WFDC13: variants seen among roughly 807,000 people sequenced by gnomAD.
The protein encoded by WFDC13 is WAP four-disulfide core domain protein 13.
A neutral mutation model predicts 10.9 loss-of-function variants in WFDC13; 6 were observed. That is an observed-to-expected ratio of 0.55 (90% CI 0.30 to 1.09). The LOEUF is 1.09. WFDC13 is among the 50% of genes least tolerant of loss of function. WFDC13 has a pLI of 0.06. For synonymous variants in WFDC13, 38 were observed against 39.5 expected, an observed-to-expected ratio of 0.96 and a Z score of 0.14; for missense variants, 104 against 109.6, an observed-to-expected ratio of 0.95 and a Z score of 0.23.
intron 1 of WFDC13, among the ~76,000 whole-genome samples, 187 bp from the exon 2 acceptor site, chr20:45,704,257 G>A (rs146596252): frequency 6.6e-6 from 1 of 152,282 alleles, no homozygotes; most frequent in East Asian, 1.9e-4. Flanking sequence ...AAATATCCAT[G>A]CCCTGCTTCC....
At chr20:45,702,260 G>C (rs934099727) in intron 1 of WFDC13, 49 bp downstream of exon 1, 8 of 1,546,544 alleles carry the variant, frequency 5.2e-6, no homozygotes, top group Non-Finnish European at 7.1e-6. Flanking sequence ...GTGTGGATAG[G>C]AGAGGATCTG....
intron 1 of WFDC13, 151 bp from the exon 2 acceptor site, chr20:45,704,293 C>T: frequency 3.1e-6 from 3 of 966,512 alleles, no homozygotes; most frequent in East Asian, 2.6e-5. Flanking sequence ...AGGAAGGCAG[C>T]AGCTGAGGAC....
At chr20:45,702,910 C>T (rs757506962) in intron 1 of WFDC13, among the ~76,000 whole-genome samples, 6 of 152,122 alleles carry the variant, frequency 3.9e-5, no homozygotes, top group East Asian at 1.9e-4. Context: ...AGAATACTGG[C>T]GGCTCAGAAG....
At chr20:45,707,813 GA>G (rs1237959793) in intron 3 of WFDC13, 44 bp from the exon 4 acceptor site, 1 of 152,182 alleles carries the variant, frequency 6.6e-6, no homozygotes, top group Non-Finnish European at 1.5e-5. Flanking sequence ...GATGTTTAAA[GA>G]ATCAAGAAGA....
At chr20:45,706,029 A>C in intron 3 of WFDC13, 102 bp downstream of exon 3, 14 of 998,848 alleles carry the variant, frequency 1.4e-5, no homozygotes, top group Non-Finnish European at 1.7e-5. Flanking sequence ...CCACAAGCTC[A>C]GAATGGCCTC....
chr20:45,705,074 G>A (rs188990747), intron 2 of WFDC13: 91 of 1,352,980 alleles, frequency 6.7e-5, no homozygotes, highest in East Asian at 1.8e-4. Flanking sequence ...AACACTAGCC[G>A]CAAGCCTGCT....
At chr20:45,702,865 T>C (rs1984223963) in intron 1 of WFDC13, among the ~76,000 whole-genome samples, 1 of 152,202 alleles carries the variant, frequency 6.6e-6, no homozygotes, top group Non-Finnish European at 1.5e-5. Context: ...CTGTTATTCA[T>C]CATACATCCA....
rs1984198020 is a variant in WFDC13, at chr20:45,702,309, T to C, written c.88+98T>C. On this transcript the variant is annotated intron_variant, in intron 1 of 3. Coordinates refer to ENST00000305479, the MANE Select transcript of WFDC13 (RefSeq NM_172005.2). ...TGTCACACCTCTTGGAAAAATACCG[T>C]GTCATGTTCAAGGGCCCAAGCTTTA... 4 of 1,259,788 alleles carry C rather than the reference T, an allele frequency of 3.2e-6. No homozygotes were observed. The Admixed American group carries it at 8.4e-5, about 26-fold the overall frequency. 78.0% of individuals were successfully genotyped at this position (1,259,788 alleles called of 1,614,324 possible).
intron 3 of WFDC13, among the ~76,000 whole-genome samples, chr20:45,706,605 C>G (rs1479445923): frequency 6.6e-6 from 1 of 152,048 alleles, no homozygotes; most frequent in Admixed American, 6.6e-5. Context: ...AACCCTGTCT[C>G]TACTAAAAAT....
intron 3 of WFDC13, among the ~76,000 whole-genome samples, chr20:45,706,793 G>T (rs232289): frequency 0.029 from 4,422 of 152,000 alleles, 219 homozygotes; most frequent in African/African-American, 0.1. Flanking sequence ...AAGAGGGAGT[G>T]GGAATCATCT....
chr20:45,705,817 A>G, intron 2 of WFDC13, 46 bp from the exon 3 acceptor site: 1 of 1,567,706 alleles, frequency 6.4e-7, no homozygotes, highest in African/African-American at 1.4e-5. Context: ...TATCTCTAAA[A>G]GTAAAACTTC....
chr20:45,703,644 T>C (rs183959235), intron 1 of WFDC13, among the ~76,000 whole-genome samples: 3 of 151,948 alleles, frequency 2.0e-5, no homozygotes, highest in Non-Finnish European at 2.9e-5. Context: ...AGAAAGGAGA[T>C]TGTGGGTTGT....
At chr20:45,707,270 G>A (rs988606217) in intron 3 of WFDC13, among the ~76,000 whole-genome samples, 18 of 152,162 alleles carry the variant, frequency 1.2e-4, no homozygotes. Flanking sequence ...CTGATCCAGG[G>A]CAGGAAATAC....
Position 45,704,701 on chromosome 20 carries a change from T to C in WFDC13, c.239+107T>C, listed in dbSNP as rs62207178. Reference sequence around the variant, plus strand: ...CTGGATCTCTCCTTTTTTTTTTTTTTCCTTGGTGGCCATGTTGCCAACATG... The same window carrying C: ...CTGGATCTCTCCTTTTTTTTTTTTTCCCTTGGTGGCCATGTTGCCAACATG... On this transcript the variant is annotated intron_variant, in intron 2 of 3. Coordinates refer to ENST00000305479, the MANE Select transcript of WFDC13 (RefSeq NM_172005.2). The C allele has an allele frequency of 6.6e-5, 84 of 1,278,528 alleles. No individual in the cohort carries two copies. The South Asian group carries it at 8.0e-4, about 12-fold the overall frequency. The allele number at this position is 1,278,528 out of a possible 1,614,324, so 79.2% of individuals were successfully genotyped here.
chr20:45,703,040 T>A (rs1449579258), intron 1 of WFDC13, among the ~76,000 whole-genome samples: 2 of 151,898 alleles, frequency 1.3e-5, no homozygotes, highest in African/African-American at 4.8e-5. Flanking sequence ...AAAATAGGAG[T>A]GCCCAGGGTA....
intron 1 of WFDC13, among the ~76,000 whole-genome samples, chr20:45,704,182 T>C (rs528672580): frequency 6.6e-6 from 1 of 152,332 alleles, no homozygotes; most frequent in East Asian, 1.9e-4. Context: ...GCTTGGCATC[T>C]GAACTACAAG....
intron 2 of WFDC13, chr20:45,705,082 G>T (rs1984338357): frequency 3.2e-6 from 4 of 1,265,400 alleles, no homozygotes; most frequent in Non-Finnish European, 4.6e-6. Context: ...CCGCAAGCCT[G>T]CTAAATGGAG....
intron 1 of WFDC13, among the ~76,000 whole-genome samples, chr20:45,703,371 A>T (rs1175714368): frequency 6.6e-6 from 1 of 152,128 alleles, no homozygotes. Flanking sequence ...TTTTACCCCA[A>T]TTCTGGTGCC....
At chr20:45,705,110 G>GA in intron 2 of WFDC13, 1 of 972,306 alleles carries the variant, frequency 1.0e-6, no homozygotes, top group South Asian at 1.3e-5. Context: ...CCAGGGCAGA[G>GA]AAAGGACATA....
Sources: allele counts gnomAD v4.1 joint callset (sites outside exome capture counted in the v4.1 genomes callset), GRCh38; gene constraint gnomAD v4.1.1; transcripts MANE v1.5; gene names NCBI Gene and HGNC (gene_info 2026-07-23, HGNC 2026-07-21).